The following CR1 variants were observed in gnomAD, a reference collection of about 807,000 sequenced individuals.
The protein encoded by CR1 is complement C3b/C4b receptor 1 (Knops blood group).
CR1 carries 116 observed loss-of-function variants against 187.3 expected under a neutral mutation model. That is an observed-to-expected ratio of 0.62 (90% CI 0.53 to 0.72). The LOEUF is 0.72. Among genes scored for constraint, CR1 ranks in the 30% least tolerant of loss-of-function variants. CR1 has a pLI of 0.00. For synonymous variants in CR1, 576 were observed against 747.1 expected (o/e 0.77, Z 3.73); for missense variants, 1,731 against 2,110.7 (o/e 0.82, Z 3.52).
chr1:207,503,941 T>C (rs116760212), intron 1 of CR1, among the ~76,000 whole-genome samples: 1,559 of 152,326 alleles, frequency 0.01, 35 homozygotes, highest in African/African-American at 0.036. Context: ...TATGTTGAAG[T>C]TGCTAAGACC....
At chr1:207,581,195 C>A (rs558077930) in intron 31 of CR1, among the ~76,000 whole-genome samples, 6 of 147,270 alleles carry the variant, frequency 4.1e-5, no homozygotes. Flanking sequence ...TACATGGACA[C>A]GTATATGTAG....
At chr1:207,601,706 A>T (rs1269395548) in intron 35 of CR1, among the ~76,000 whole-genome samples, 6 of 152,120 alleles carry the variant, frequency 3.9e-5, no homozygotes, top group African/African-American at 9.7e-5. Flanking sequence ...GGCCATTTGT[A>T]TGTCTTTTTT....
chr1:207,504,370 T>G (rs574075282), intron 1 of CR1, among the ~76,000 whole-genome samples: 1 of 152,156 alleles, frequency 6.6e-6, no homozygotes, highest in African/African-American at 2.4e-5. Context: ...TAAAGAAGGT[T>G]GCTCTACCAT....
At chr1:207,625,462 C>G (rs1662451229) in intron 45 of CR1, among the ~76,000 whole-genome samples, 2 of 152,250 alleles carry the variant, frequency 1.3e-5, no homozygotes, top group African/African-American at 2.4e-5. Context: ...TAAACTTTTA[C>G]TTTTGACCTG....
chr1:207,518,884 A>C (rs1287664150), intron 4 of CR1, among the ~76,000 whole-genome samples: 1 of 152,204 alleles, frequency 6.6e-6, no homozygotes, highest in Non-Finnish European at 1.5e-5. Flanking sequence ...CAGGACACAG[A>C]TATTTTTTAA....
Position 207,587,389 on chromosome 1 carries a change from A to G in CR1, c.5534A>G (p.His1845Arg). 1.2e-6 allele frequency: 2 copies of G among 1,610,360 alleles called. No homozygotes were observed. Among genetic ancestry groups the G allele is most frequent in the Non-Finnish European group, 8.5e-7 (1 of 1,178,054 alleles). The change falls in exon 34 of 47, where the codon CAC becomes CGC. Residue 1845 changes from histidine (H) to arginine (R), a missense_variant. Physicochemically the swap from His to Arg is conservative, Grantham distance 29. This residue lies in a region of CR1 where 1,312 missense variants were observed against 1,379.6 expected (regional missense o/e 0.95). Transcript: ENST00000367049. ...TTCCTGTGGTTTTTCTCTCCAGGTC[A>G]CTGTAAAACCCCAGAGCAGTTTCCA... Reference protein sequence around the residue: ...PRCELSVRAGHCKTPEQFPFA... With the variant: ...PRCELSVRAGRCKTPEQFPFA...
At chr1:207,635,292 T>C (rs923846845) in intron 46 of CR1, among the ~76,000 whole-genome samples, 1 of 152,042 alleles carries the variant, frequency 6.6e-6, no homozygotes, top group Non-Finnish European at 1.5e-5. Flanking sequence ...TTATTGATCA[T>C]TAATGGGTGT....
chr1:207,618,391 A>G (rs1662212139), intron 42 of CR1, 144 bp downstream of exon 42: 2 of 735,764 alleles, frequency 2.7e-6, no homozygotes, highest in South Asian at 2.2e-5. Context: ...CATTTACATA[A>G]AATTATTTCA....
At chr1:207,511,463 A>C (rs1659614058) in intron 3 of CR1, 106 bp from the exon 4 acceptor site, 4 of 1,138,476 alleles carry the variant, frequency 3.5e-6, no homozygotes, top group Non-Finnish European at 5.1e-6. Context: ...ATGAGTGTAA[A>C]AAGTCCCTCT....
intron 27 of CR1, among the ~76,000 whole-genome samples, chr1:207,573,388 C>CT (rs914277153): frequency 6.6e-5 from 10 of 152,070 alleles, no homozygotes; most frequent in South Asian, 2.1e-4. Context: ...CCTTTTCTCT[C>CT]TTTTTTTTAA....
In CR1 at chr1:207,639,253, A is replaced by G. The variant is rs1041441929; in HGVS notation, c.7458-144A>G. 3.4e-5 allele frequency: 22 copies of G among 655,480 alleles called. No individual in the cohort carries two copies. The highest frequency in any genetic ancestry group is 5.2e-5 in the Non-Finnish European group (20 of 387,192). 40.6% of individuals were successfully genotyped at this position (655,480 alleles called of 1,614,324 possible). On this transcript the variant is annotated intron_variant, in intron 46 of 46. Coordinates refer to ENST00000367049, the MANE Select transcript of CR1 (RefSeq NM_000651.6). Reference sequence around the variant, plus strand: ...TCACAATTATAACATTTCCCTCCAAATGTTCTAACTTGTCCTCCTAAAGCA... The same window carrying G: ...TCACAATTATAACATTTCCCTCCAAGTGTTCTAACTTGTCCTCCTAAAGCA...
chr1:207,620,086 T>C (rs1407789905), intron 43 of CR1, 21 bp downstream of exon 43: 2 of 1,597,590 alleles, frequency 1.3e-6, no homozygotes, highest in East Asian at 2.2e-5. Context: ...GTGCAAGGAA[T>C]GTGGGATCTT....
At chr1:207,504,141 G>C (rs7536931) in intron 1 of CR1, among the ~76,000 whole-genome samples, 1 of 151,966 alleles carries the variant, frequency 6.6e-6, no homozygotes, top group African/African-American at 2.4e-5. Context: ...ATTGACAGCT[G>C]TCAGGTTTGG....
At chr1:207,616,501 G>T in intron 40 of CR1, 74 bp from the exon 41 acceptor site, 2 of 1,503,924 alleles carry the variant, frequency 1.3e-6, no homozygotes, top group South Asian at 2.4e-5. Context: ...TAAGCGCACA[G>T]TCACAGGTCA....
chr1:207,623,263 TA>T (rs1432834124), intron 45 of CR1, among the ~76,000 whole-genome samples, 195 bp downstream of exon 45: 2 of 108,168 alleles, frequency 1.8e-5, no homozygotes, highest in East Asian at 5.3e-4. Flanking sequence ...TAAGAACAAT[TA>T]AAAAATAATA....
At chr1:207,580,710 A>G (rs1660910388) in intron 31 of CR1, 97 bp downstream of exon 31, 1 of 1,129,112 alleles carries the variant, frequency 8.9e-7, no homozygotes, top group Admixed American at 2.1e-5. Context: ...CTAGGAGAAG[A>G]AGAATCCAGG....
intron 23 of CR1, among the ~76,000 whole-genome samples, 155 bp downstream of exon 23, chr1:207,564,389 A>G (rs576989669): frequency 6.7e-5 from 10 of 149,494 alleles, no homozygotes; most frequent in African/African-American, 2.6e-4. Context: ...GGAAGAAAGG[A>G]AAGAAACATA....
At chr1:207,513,133 T>A (rs1332195821) in intron 4 of CR1, among the ~76,000 whole-genome samples, 1 of 152,256 alleles carries the variant, frequency 6.6e-6, no homozygotes. Flanking sequence ...ACAAATCAAG[T>A]AACACTTTAG....
chr1:207,516,944 T>C (rs1251013205), intron 4 of CR1, among the ~76,000 whole-genome samples: 1 of 152,152 alleles, frequency 6.6e-6, no homozygotes, highest in East Asian at 1.9e-4. Flanking sequence ...TTCTCTTGCT[T>C]TATTGCATTG....
Sources: gnomAD v4.1 joint callset for allele counts (sites outside exome capture counted in the v4.1 genomes callset) on GRCh38, gnomAD v4.1.1 for gene constraint, gnomAD v4.1.1 regional missense constraint, MANE v1.5 for transcripts, NCBI Gene and HGNC (gene_info 2026-07-23, HGNC 2026-07-21) for gene names.